Variants in ADAMTSL1 observed in about 807,000 individuals in gnomAD.
ADAMTSL1 encodes the protein ADAMTS like 1.
ADAMTSL1 carries 126 observed loss-of-function variants against 201.8 expected under a neutral mutation model. That is an observed-to-expected ratio of 0.62 (90% CI 0.54 to 0.72). ADAMTSL1 has a LOEUF of 0.72. Ranked by LOEUF, ADAMTSL1 falls within the 30% of genes least tolerant of loss-of-function variation. ADAMTSL1 has a pLI of 0.00. For missense variants in ADAMTSL1, 2,679 were observed against 2,277.8 expected (o/e 1.18, Z -3.59); for synonymous variants, 1,121 against 903.4 (o/e 1.24, Z -4.32).
intron 1 of ADAMTSL1, among the ~76,000 whole-genome samples, chr9:18,150,958 G>T (rs1488274340): frequency 6.6e-6 from 1 of 151,776 alleles, no homozygotes; most frequent in African/African-American, 2.4e-5. Flanking sequence ...AGGAAAGGAG[G>T]GGGCTAGTAG....
intron 4 of ADAMTSL1, among the ~76,000 whole-genome samples, chr9:18,575,528 T>G (rs534942050): frequency 1.6e-4 from 25 of 152,354 alleles, no homozygotes; most frequent in African/African-American, 6.0e-4. Flanking sequence ...TGCTATTTAC[T>G]TCCTCCTCTA....
At chr9:18,617,505 G>A (rs529612153) in intron 4 of ADAMTSL1, among the ~76,000 whole-genome samples, 55 of 151,634 alleles carry the variant, frequency 3.6e-4, no homozygotes, top group South Asian at 1.0e-3. Context: ...TTTGGCAGGG[G>A]GGAGGGGGCT....
At chr9:18,325,578 G>T (rs925545233) in intron 2 of ADAMTSL1, among the ~76,000 whole-genome samples, 1 of 152,140 alleles carries the variant, frequency 6.6e-6, no homozygotes, top group African/African-American at 2.4e-5. Context: ...AATTTAAAAA[G>T]AATGGAAATT....
chr9:18,715,640 T>A (rs956334254), intron 14 of ADAMTSL1, among the ~76,000 whole-genome samples: 1 of 152,006 alleles, frequency 6.6e-6, no homozygotes, highest in Admixed American at 6.6e-5. Flanking sequence ...AGAATCAATA[T>A]CATGAAAATG....
At chr9:18,296,267 A>C (rs1207323689) in intron 2 of ADAMTSL1, among the ~76,000 whole-genome samples, 1 of 152,218 alleles carries the variant, frequency 6.6e-6, no homozygotes. Context: ...AGTATAAAAC[A>C]TAACCAAATA....
chr9:17,957,660 C>T (rs186066487), intron 1 of ADAMTSL1, among the ~76,000 whole-genome samples: 3 of 152,246 alleles, frequency 2.0e-5, no homozygotes, highest in Admixed American at 2.0e-4. Flanking sequence ...AGAATGTGAC[C>T]TTATTTGGAA....
chr9:18,378,605 C>A (rs1343106714), intron 2 of ADAMTSL1, among the ~76,000 whole-genome samples: 1 of 152,158 alleles, frequency 6.6e-6, no homozygotes, highest in Admixed American at 6.5e-5. Flanking sequence ...TCACACCTCA[C>A]CCTCTTCAGA....
At chr9:18,507,302 T>C (rs1246543800) in intron 2 of ADAMTSL1, among the ~76,000 whole-genome samples, 1 of 152,190 alleles carries the variant, frequency 6.6e-6, no homozygotes, top group Non-Finnish European at 1.5e-5. Flanking sequence ...ATGAGTTAAA[T>C]CTTACAGCTA....
intron 2 of ADAMTSL1, among the ~76,000 whole-genome samples, chr9:18,241,384 C>G (rs1218972825): frequency 6.6e-6 from 1 of 152,104 alleles, no homozygotes; most frequent in African/African-American, 2.4e-5. Flanking sequence ...TACCTGTATT[C>G]TTGATCACAC....
At chr9:18,091,440 G>C (rs1350619680) in intron 1 of ADAMTSL1, among the ~76,000 whole-genome samples, 2 of 152,104 alleles carry the variant, frequency 1.3e-5, no homozygotes, top group East Asian at 3.9e-4. Context: ...GCCTCTGGCT[G>C]TGCCCTTCTG....
chr9:18,383,635 GTCCC>G (rs1418380562), intron 2 of ADAMTSL1, among the ~76,000 whole-genome samples: 7 of 152,138 alleles, frequency 4.6e-5, no homozygotes, highest in Non-Finnish European at 7.4e-5. Flanking sequence ...CTGGTTGACT[GTCCC>G]CTTGGACTAA....
At chr9:18,713,147 GC>G (rs1386660058) in intron 14 of ADAMTSL1, among the ~76,000 whole-genome samples, 2 of 151,278 alleles carry the variant, frequency 1.3e-5, no homozygotes. Context: ...GCAAAATCAT[GC>G]CAAAATGTAA....
chr9:17,919,180 AT>A (rs1246328269), intron 1 of ADAMTSL1, among the ~76,000 whole-genome samples: 1 of 151,870 alleles, frequency 6.6e-6, no homozygotes, highest in Non-Finnish European at 1.5e-5. Context: ...AAAAAAATCA[AT>A]GATAAGTATT....
chr9:18,688,689 A>AAAAAAAAAAAATATAT (rs1554730404), intron 13 of ADAMTSL1, among the ~76,000 whole-genome samples: 1 of 8,652 alleles, frequency 1.2e-4, no homozygotes, highest in African/African-American at 3.7e-4. Flanking sequence ...AAAAAAAAAA[A>AAAAAAAAAAAATATAT]ATATATATAT....
chr9:18,871,824 T>C (rs1340993503), intron 23 of ADAMTSL1, among the ~76,000 whole-genome samples: 1 of 152,178 alleles, frequency 6.6e-6, no homozygotes, highest in East Asian at 1.9e-4. Context: ...ATACAGACTC[T>C]CTAAAGCTAG....
chr9:18,675,832 G>A, intron 9 of ADAMTSL1, 25 bp from the exon 10 acceptor site: 7 of 1,608,526 alleles, frequency 4.4e-6, no homozygotes, highest in Non-Finnish European at 6.0e-6. Flanking sequence ...TCTACTCAGA[G>A]GGTTGGCATT....
intron 2 of ADAMTSL1, among the ~76,000 whole-genome samples, chr9:18,419,359 A>G (rs1396091968): frequency 6.6e-6 from 1 of 151,166 alleles, no homozygotes; most frequent in Non-Finnish European, 1.5e-5. Flanking sequence ...CTTAATCAGA[A>G]CTATTAATTG....
At chr9:18,477,102 A>G (rs146489314) in intron 1 of ADAMTSL1, among the ~76,000 whole-genome samples, 11 of 152,280 alleles carry the variant, frequency 7.2e-5, no homozygotes, top group African/African-American at 2.6e-4. Flanking sequence ...CATTTTCTCA[A>G]TCCTCCCATT....
intron 2 of ADAMTSL1, among the ~76,000 whole-genome samples, chr9:18,246,789 C>T (rs183576059): frequency 1.1e-3 from 175 of 152,208 alleles, no homozygotes; most frequent in Middle Eastern, 6.8e-3. Flanking sequence ...TACATAACCA[C>T]GGCACCACTA....
Sources: gnomAD v4.1 joint callset for allele counts (sites outside exome capture counted in the v4.1 genomes callset) on GRCh38, gnomAD v4.1.1 for gene constraint, MANE v1.5 for transcripts, NCBI Gene and HGNC (gene_info 2026-07-23, HGNC 2026-07-21) for gene names.